ADGRL3: variants seen among roughly 807,000 people sequenced by gnomAD.
The protein encoded by ADGRL3 is adhesion G protein-coupled receptor L3.
A neutral mutation model predicts 153.5 loss-of-function variants in ADGRL3; 62 were observed. The observed-to-expected ratio is 0.40, with a 90% CI of 0.33 to 0.50. The LOEUF is 0.50. Ranked by LOEUF, ADGRL3 falls within the 20% of genes least tolerant of loss-of-function variation. The probability of loss-of-function intolerance (pLI) is 0.47; values close to 1 mark genes in which losing one functional copy is unlikely to be tolerated. For missense variants in ADGRL3, 1,641 were observed against 1,859.4 expected, an observed-to-expected ratio of 0.88 and a Z score of 2.16; for synonymous variants, 710 against 672.5, an observed-to-expected ratio of 1.06 and a Z score of -0.86.
At chr4:61,420,069 T>G (rs2152326583) in intron 2 of ADGRL3, among the ~76,000 whole-genome samples, 1 of 152,304 alleles carries the variant, frequency 6.6e-6, no homozygotes, top group Non-Finnish European at 1.5e-5. Context: ...CCCAAAGTGC[T>G]GAGATTACAG....
At chr4:61,685,461 A>G (rs2095425240) in intron 6 of ADGRL3, among the ~76,000 whole-genome samples, 1 of 152,144 alleles carries the variant, frequency 6.6e-6, no homozygotes, top group Admixed American at 6.6e-5. Context: ...TGATTCTATG[A>G]TAAAGAACAA....
At chr4:61,987,980 C>T (rs925847463) in intron 19 of ADGRL3, among the ~76,000 whole-genome samples, 12 of 151,486 alleles carry the variant, frequency 7.9e-5, no homozygotes, top group South Asian at 2.1e-4. Flanking sequence ...ATTAATGGTA[C>T]GAGATAAAAT....
chr4:62,018,038 A>G (rs971652107), intron 21 of ADGRL3, among the ~76,000 whole-genome samples: 2 of 152,132 alleles, frequency 1.3e-5, no homozygotes, highest in Non-Finnish European at 2.9e-5. Flanking sequence ...ACTTAAGATG[A>G]GAGATTCAAA....
chr4:61,650,422 T>C (rs2094204056), intron 5 of ADGRL3, among the ~76,000 whole-genome samples: 1 of 152,138 alleles, frequency 6.6e-6, no homozygotes, highest in South Asian at 2.1e-4. Flanking sequence ...TCAGTTTCAA[T>C]ATGCAGTTAT....
intron 5 of ADGRL3, 82 bp downstream of exon 5, chr4:61,587,522 C>A (rs2098951092): frequency 9.7e-7 from 1 of 1,033,046 alleles, no homozygotes; most frequent in Non-Finnish European, 1.4e-6. Context: ...AGCATAAGAA[C>A]ATAAACAGTG....
At chr4:61,484,009 T>C (rs981679069) in intron 2 of ADGRL3, among the ~76,000 whole-genome samples, 1 of 151,996 alleles carries the variant, frequency 6.6e-6, no homozygotes, top group Non-Finnish European at 1.5e-5. Context: ...ATTCTGCTCA[T>C]ATATTTAAAG....
chr4:61,821,731 A>G (rs962221981), intron 9 of ADGRL3, among the ~76,000 whole-genome samples: 2 of 152,220 alleles, frequency 1.3e-5, no homozygotes, highest in Non-Finnish European at 2.9e-5. Flanking sequence ...ACCAAGTAAT[A>G]TAAATATGGT....
At position 61,609,837 on chromosome 4, in the gene ADGRL3, C is replaced by T. The variant is rs537608559; in HGVS notation, c.473+22397C>T. On this transcript the variant is annotated intron_variant, in intron 5 of 26. Transcript: ENST00000683033. ...CTGTGAGCAGTCATTTTTTAATATACGGAATAAATTTGGCATAAATTATGG... is the reference window on the plus strand; with the variant it reads ...CTGTGAGCAGTCATTTTTTAATATATGGAATAAATTTGGCATAAATTATGG... 1.6e-4 allele frequency among the ~76,000 whole-genome samples: 25 copies of T among 152,000 alleles called. 1 individual carries two copies. Among genetic ancestry groups the T allele is most frequent in the Admixed American group, 7.2e-4 (11 of 15,244 alleles).
chr4:61,699,375 T>C (rs952815904), intron 6 of ADGRL3, among the ~76,000 whole-genome samples: 2 of 152,182 alleles, frequency 1.3e-5, no homozygotes, highest in African/African-American at 4.8e-5. Context: ...TTATTATTTT[T>C]CAGTAATTAC....
intron 2 of ADGRL3, among the ~76,000 whole-genome samples, chr4:61,477,384 C>T (rs1476775666): frequency 2.0e-5 from 3 of 152,102 alleles, no homozygotes; most frequent in Non-Finnish European, 2.9e-5. Context: ...CACACACACA[C>T]ACACACATGT....
At chr4:61,238,744 A>G (rs1753795785) in intron 1 of ADGRL3, among the ~76,000 whole-genome samples, 2 of 152,228 alleles carry the variant, frequency 1.3e-5, no homozygotes, top group Middle Eastern at 3.4e-3. Context: ...TTCTAATAGA[A>G]TTATTTGAAG....
chr4:61,752,915 C>T (rs1371861802), intron 8 of ADGRL3, among the ~76,000 whole-genome samples: 3 of 152,102 alleles, frequency 2.0e-5, no homozygotes, highest in Admixed American at 2.0e-4. Context: ...GCCTGGGTGA[C>T]TGAGCAAGAT....
chr4:61,780,493 G>A (rs761553928), intron 8 of ADGRL3, among the ~76,000 whole-genome samples: 2 of 152,126 alleles, frequency 1.3e-5, no homozygotes, highest in Admixed American at 6.5e-5. Flanking sequence ...TTCTCACCAT[G>A]GGCAATACCT....
At chr4:61,978,043 A>G (rs2099054108) in intron 17 of ADGRL3, among the ~76,000 whole-genome samples, 1 of 152,176 alleles carries the variant, frequency 6.6e-6, no homozygotes, top group South Asian at 2.1e-4. Flanking sequence ...GAGAACATGC[A>G]GTATTTGGAA....
At chr4:61,399,172 T>A (rs1383311273) in intron 2 of ADGRL3, among the ~76,000 whole-genome samples, 3 of 151,734 alleles carry the variant, frequency 2.0e-5, no homozygotes, top group African/African-American at 7.2e-5. Flanking sequence ...GTCAAAATGA[T>A]GTTTGAAGTA....
chr4:61,299,687 G>T (rs530815955), intron 1 of ADGRL3, among the ~76,000 whole-genome samples: 2 of 152,210 alleles, frequency 1.3e-5, no homozygotes, highest in Middle Eastern at 3.4e-3. Context: ...ATGACCCAAA[G>T]AACTGCTTTC....
chr4:61,263,448 T>C (rs1285132834), intron 1 of ADGRL3, among the ~76,000 whole-genome samples: 1 of 147,766 alleles, frequency 6.8e-6, no homozygotes, highest in African/African-American at 2.5e-5. Context: ...TTGTCTTGCA[T>C]AGAGTGCATT....
rs371733856 is a variant in ADGRL3, at chr4:61,670,714, GA to G, written c.474-6107del. Among the ~76,000 whole-genome samples, 494 of 152,268 alleles carry G rather than the reference GA, an allele frequency of 3.2e-3. 3 individuals are homozygous for G. Among genetic ancestry groups the G allele is most frequent in the African/African-American group, 0.011 (477 of 41,558 alleles). ...TGAGCTCTAGGTCTTTTATGTGTCAGAAAAAGAGTCTTCTGTAGGTTCTGCC... is the reference window on the plus strand; with the variant it reads ...TGAGCTCTAGGTCTTTTATGTGTCAGAAAAGAGTCTTCTGTAGGTTCTGCC... On this transcript the variant is annotated intron_variant, in intron 5 of 26. Coordinates refer to ENST00000683033, the MANE Select transcript of ADGRL3 (RefSeq NM_001387552.1).
chr4:61,646,842 A>T (rs980904353), intron 5 of ADGRL3, among the ~76,000 whole-genome samples: 2 of 152,168 alleles, frequency 1.3e-5, no homozygotes, highest in Non-Finnish European at 2.9e-5. Context: ...TTACCTAATC[A>T]AGCCTGGGCA....
Sources: allele counts gnomAD v4.1 joint callset (sites outside exome capture counted in the v4.1 genomes callset), GRCh38; gene constraint gnomAD v4.1.1; transcripts MANE v1.5; gene names NCBI Gene and HGNC (gene_info 2026-07-23, HGNC 2026-07-21).